Variants in CFAP46 observed in about 807,000 individuals in gnomAD.
CFAP46 encodes cilia- and flagella-associated protein 46.
Under a neutral mutation model 325.7 loss-of-function variants are expected in CFAP46, and 245 were observed. The observed-to-expected ratio is 0.75, with a 90% CI of 0.68 to 0.84. CFAP46 has a LOEUF of 0.84. Among genes scored for constraint, CFAP46 ranks in the 40% least tolerant of loss-of-function variants. The probability of loss-of-function intolerance (pLI) is 0.00; values close to 1 mark genes in which losing one functional copy is unlikely to be tolerated. For synonymous variants in CFAP46, 1,523 were observed against 1,495.9 expected (o/e 1.02, Z -0.42); for missense variants, 3,346 against 3,543.0 (o/e 0.94, Z 1.41).
In CFAP46 at chr10:132,938,650, T is replaced by C; in HGVS notation, c.475A>G (p.Ile159Val). ...RHHLIPSLSQ[I>V]INVLSQTEEE... The stretch of plus-strand genomic sequence containing the variant: ...TCAGTCTGACTCAGCACGTTTATGA[T>C]TTGGGAAAGGCTGGGGATCAGATGG... Residue 159 changes from isoleucine (I) to valine (V), a missense_variant, in exon 5 of 58, where the codon ATC (isoleucine) becomes GTC (valine). Transcript: ENST00000368586. 2 of 1,613,614 alleles carry C rather than the reference T, an allele frequency of 1.2e-6. No individual in the cohort carries two copies. Among genetic ancestry groups the C allele is most frequent in the Non-Finnish European group, 1.7e-6 (2 of 1,179,974 alleles).
At chr10:132,814,967 C>T in intron 50 of CFAP46, 53 bp from the exon 51 acceptor site, 3 of 1,514,370 alleles carry the variant, frequency 2.0e-6, no homozygotes, top group Non-Finnish European at 1.8e-6. Context: ...CGAGGCAGCC[C>T]TCCGGCCACA....
At chr10:132,900,118 G>A (rs530604880) in intron 22 of CFAP46, among the ~76,000 whole-genome samples, 1 of 152,328 alleles carries the variant, frequency 6.6e-6, no homozygotes, top group East Asian at 1.9e-4. Context: ...GAACCATGGG[G>A]CAGAATCATT....
chr10:132,847,110 C>T lies in CFAP46; in HGVS notation c.6089G>A (p.Arg2030Lys). 3 of 1,609,766 alleles carry T rather than the reference C, an allele frequency of 1.9e-6. No homozygotes were observed. The highest frequency in any genetic ancestry group is 2.5e-6 in the Non-Finnish European group (3 of 1,178,476). The change falls in exon 43 of 58, where the codon AGG (arginine) becomes AAG (lysine). Residue 2030 changes from arginine (R) to lysine (K), a missense_variant and splice_region_variant. Transcript: ENST00000368586. The surrounding 1 kb of genome is among the most constrained non-coding windows in gnomAD (Gnocchi z 5.2). ...GTACTGCTGGGCCAGAACCATCCTC[C>T]TCTGTGGGGCACAAGGCTCAGGCTC... The part of the protein sequence containing the change: ...EHCRRGEDLK[R>K]RMVLAQQYLA...
intron 13 of CFAP46, among the ~76,000 whole-genome samples, chr10:132,921,428 G>A (rs1014609533): frequency 5.3e-5 from 8 of 152,206 alleles, no homozygotes; most frequent in African/African-American, 1.7e-4. Flanking sequence ...CTCAGTCCCC[G>A]CACATGGGCC....
chr10:132,831,641 T>C (rs918402843), intron 50 of CFAP46, among the ~76,000 whole-genome samples: 4 of 149,060 alleles, frequency 2.7e-5, no homozygotes, highest in African/African-American at 9.7e-5. Context: ...AAAGTGGGTT[T>C]CTTGGAGGAA....
intron 19 of CFAP46, 69 bp downstream of exon 19, chr10:132,912,586 T>TCATTCAC: frequency 7.6e-7 from 1 of 1,315,678 alleles, no homozygotes; most frequent in Non-Finnish European, 1.0e-6. Flanking sequence ...TCTCCTCTCC[T>TCATTCAC]CTCTCTCTCT....
intron 50 of CFAP46, among the ~76,000 whole-genome samples, chr10:132,821,601 CTG>C (rs1202470511): frequency 3.5e-4 from 42 of 118,732 alleles, no homozygotes; most frequent in African/African-American, 1.4e-3. Flanking sequence ...GTGCTGTGTG[CTG>C]TGTGTGCGCT....
At chr10:132,935,616 G>A (rs145248779) in intron 7 of CFAP46, among the ~76,000 whole-genome samples, 85 of 67,710 alleles carry the variant, frequency 1.3e-3, no homozygotes, top group Admixed American at 2.8e-3. Context: ...CGCTCCCCTC[G>A]GCACCCAAAC....
At chr10:132,917,811 C>T (rs921487595) in intron 16 of CFAP46, among the ~76,000 whole-genome samples, 2 of 152,274 alleles carry the variant, frequency 1.3e-5, no homozygotes, top group South Asian at 2.1e-4. Context: ...ACCTGCCCCA[C>T]AGCAGGTTGT....
At chr10:132,843,471 G>A (rs113921369) in intron 44 of CFAP46, among the ~76,000 whole-genome samples, 3,552 of 131,484 alleles carry the variant, frequency 0.027, 75 homozygotes, top group Non-Finnish European at 0.038. Flanking sequence ...CTGTAGGGCT[G>A]CTGCTGGTGG....
intron 44 of CFAP46, among the ~76,000 whole-genome samples, chr10:132,838,107 G>A (rs1848296153): frequency 6.6e-6 from 1 of 152,260 alleles, no homozygotes; most frequent in East Asian, 1.9e-4. Context: ...GGTGGTGCAG[G>A]CAGCAGCTCC....
Position 132,857,467 on chromosome 10 carries a change from T to C in CFAP46, c.5574+123A>G, listed in dbSNP as rs878911018. ...TTGTTGTTTCAGATGGGGGAGTATCTGATCCCTGTTATTCCATTTCAGCTA... is the reference window on the plus strand; with the variant it reads ...TTGTTGTTTCAGATGGGGGAGTATCCGATCCCTGTTATTCCATTTCAGCTA... On this transcript the variant is annotated intron_variant, in intron 39 of 57. Transcript: ENST00000368586. 11 of 939,230 alleles carry C rather than the reference T, an allele frequency of 1.2e-5. No individual in the cohort carries two copies. The Admixed American group carries it at 3.2e-4, about 27-fold the overall frequency. The allele number at this position is 939,230 out of a possible 1,614,324, so 58.2% of individuals were successfully genotyped here.
intron 27 of CFAP46, among the ~76,000 whole-genome samples, chr10:132,882,644 G>A (rs375878618): frequency 4.6e-5 from 7 of 152,072 alleles, no homozygotes; most frequent in East Asian, 3.9e-4. Flanking sequence ...TAAAATGGGC[G>A]GCAGCGGTGC....
chr10:132,847,978 C>T lies in CFAP46; in HGVS notation c.5953-657G>A, dbSNP rs117383674. On this transcript the variant is annotated intron_variant, in intron 41 of 57. Coordinates refer to ENST00000368586, the MANE Select transcript of CFAP46 (RefSeq NM_001200049.3). The surrounding 1 kb of genome is among the most constrained non-coding windows in gnomAD (Gnocchi z 5.2). ...AGCAAGCACGCTGGAGGCAGGGCAG[C>T]CGTGGCCACCTGACACGCACGGCTG... Among the ~76,000 whole-genome samples, 2,223 of 152,296 alleles carry T rather than the reference C, an allele frequency of 0.015. 18 individuals carry two copies. Among genetic ancestry groups the T allele is most frequent in the Non-Finnish European group, 0.025 (1,688 of 68,008 alleles).
chr10:132,837,728 CAT>C (rs1316839853), intron 44 of CFAP46, among the ~76,000 whole-genome samples: 32 of 140,804 alleles, frequency 2.3e-4, no homozygotes, highest in South Asian at 4.6e-4. Context: ...CGGACACACA[CAT>C]GCACACGTAC....
In CFAP46 at chr10:132,926,583, G is replaced by A. The variant is rs934154061; in HGVS notation, c.1050C>T (p.Asn350=). ...LRLESKMKVY[N]RAAVEAQLDI... ...AAGGACTGACCTCAACAGCCGCTCG[G>A]TTGTACACTTTCATCTTACTTTCAA... The change falls in exon 10 of 58, where the codon AAC becomes AAT. Residue 350 remains asparagine (N), a synonymous_variant. Transcript: ENST00000368586. 13 of 1,535,806 alleles carry A rather than the reference G, an allele frequency of 8.5e-6. No homozygotes were observed. The highest frequency in any genetic ancestry group is 3.9e-5 in the Admixed American group (2 of 50,980).
Position 132,828,119 on chromosome 10 carries a change from T to A in CFAP46, c.7117+5239A>T, listed in dbSNP as rs1848090039. Among the ~76,000 whole-genome samples, 1 of 152,220 alleles carries A rather than the reference T, an allele frequency of 6.6e-6. No individual in the cohort carries two copies. Among genetic ancestry groups the A allele is most frequent in the Non-Finnish European group, 1.5e-5 (1 of 68,044 alleles). On this transcript the variant is annotated intron_variant, in intron 50 of 57. Transcript: ENST00000368586. The surrounding 1 kb of genome is among the most constrained non-coding windows in gnomAD (Gnocchi z 4.9). The stretch of plus-strand genomic sequence containing the variant: ...AGGTGTCCGTCCTGTGGGTGATGGA[T>A]CTTTCTGTGGTTTCCCGGTTTAGGT...
chr10:132,916,417 C>T, intron 17 of CFAP46, 132 bp downstream of exon 17: 2 of 975,056 alleles, frequency 2.1e-6, no homozygotes, highest in Non-Finnish European at 2.9e-6. Flanking sequence ...TGACGATGGA[C>T]ACGTCCCCCA....
At chr10:132,892,545 G>A in intron 24 of CFAP46, 128 bp from the exon 25 acceptor site, 3 of 788,334 alleles carry the variant, frequency 3.8e-6, no homozygotes, top group Non-Finnish European at 4.0e-6. Flanking sequence ...GCCATAAGCA[G>A]CTGTAAATTA....
Sources: allele counts gnomAD v4.1 joint callset (sites outside exome capture counted in the v4.1 genomes callset), GRCh38; gene constraint gnomAD v4.1.1; non-coding constraint Gnocchi (gnomAD v3.1); transcripts MANE v1.5; gene names NCBI Gene and HGNC (gene_info 2026-07-23, HGNC 2026-07-21).